PUM1: variants seen among roughly 807,000 people sequenced by gnomAD.
The protein encoded by PUM1 is pumilio RNA binding family member 1.
In PUM1, 13 loss-of-function variants were observed where a neutral mutation model predicts 131.8. That is an observed-to-expected ratio of 0.10 (90% CI 0.06 to 0.16). The LOEUF is 0.16. PUM1 is among the 10% of genes least tolerant of loss of function. PUM1 has a pLI of 1.00. For missense variants in PUM1, 961 were observed against 1,512.4 expected, an observed-to-expected ratio of 0.64 and a Z score of 6.05; for synonymous variants, 509 against 556.5, an observed-to-expected ratio of 0.91 and a Z score of 1.20.
chr1:31,041,686 C>T (rs1643820128), intron 2 of PUM1, among the ~76,000 whole-genome samples: 1 of 152,170 alleles, frequency 6.6e-6, no homozygotes, highest in Admixed American at 6.5e-5. Flanking sequence ...CCATGTGACA[C>T]ATGTGCTCCC....
intron 2 of PUM1, among the ~76,000 whole-genome samples, chr1:31,052,520 T>C (rs1245418263): frequency 6.6e-6 from 1 of 151,442 alleles, no homozygotes; most frequent in Non-Finnish European, 1.5e-5. Context: ...TATGCCACCA[T>C]GCCCAGCTAA....
rs567376818 is a variant in PUM1, at chr1:31,059,420, T to C, written c.147A>G (p.Gln49=). ...TSGTGSQAQP[Q]PAANQALAAG... ...CTGCAAGAGCCTGATTTGCAGCTGG[T>C]TGTGGCTGCGCTTGCGACCCTGTTC... Residue 49 remains glutamine, a synonymous_variant, in exon 2 of 22, where the codon CAA becomes CAG. Coordinates refer to ENST00000426105, the MANE Select transcript of PUM1 (RefSeq NM_001020658.2). The C allele has an allele frequency of 4.3e-6, 7 of 1,614,074 alleles. No individual in the cohort carries two copies. Among genetic ancestry groups the C allele is most frequent in the Middle Eastern group, 1.6e-4 (1 of 6,062 alleles).
At chr1:31,045,666 C>A (rs1029975315) in intron 2 of PUM1, among the ~76,000 whole-genome samples, 2 of 152,084 alleles carry the variant, frequency 1.3e-5, no homozygotes, top group African/African-American at 4.8e-5. Flanking sequence ...AACAGTTTTC[C>A]TGATGAGACT....
At chr1:30,959,318 G>A (rs543339531) in intron 14 of PUM1, among the ~76,000 whole-genome samples, 2 of 152,222 alleles carry the variant, frequency 1.3e-5, no homozygotes, top group East Asian at 1.9e-4. Flanking sequence ...CACACCTCAC[G>A]AGAAAGAAAA....
intron 10 of PUM1, among the ~76,000 whole-genome samples, chr1:30,971,114 C>T (rs527305234): frequency 1.8e-4 from 27 of 152,254 alleles, no homozygotes; most frequent in Admixed American, 3.3e-4. Flanking sequence ...ACAAAATATA[C>T]AGTTTCACAA....
Position 31,006,036 on chromosome 1 carries a change from A to G in PUM1, c.542-5T>C. ...TTGGCTGGGAAACTGAATGATCTAC[A>G]AAAAAGATACACAAGCATGATACAG... On this transcript the variant is annotated splice_region_variant and splice_polypyrimidine_tract_variant and intron_variant, in intron 4 of 21. Coordinates refer to ENST00000426105, the MANE Select transcript of PUM1 (RefSeq NM_001020658.2). 6.3e-7 allele frequency: 1 copy of G among 1,596,828 alleles called. No individual in the cohort carries two copies.
At chr1:31,052,803 G>A (rs1202967559) in intron 2 of PUM1, among the ~76,000 whole-genome samples, 3 of 149,270 alleles carry the variant, frequency 2.0e-5, no homozygotes, top group Non-Finnish European at 4.4e-5. Context: ...TCCCGGGTTA[G>A]AGCAATTCTC....
At chr1:30,990,653 C>T (rs1409912028) in intron 7 of PUM1, among the ~76,000 whole-genome samples, 2 of 151,544 alleles carry the variant, frequency 1.3e-5, no homozygotes, top group Non-Finnish European at 2.9e-5. Context: ...CCCAGGTATG[C>T]TATTAGGGCC....
intron 3 of PUM1, among the ~76,000 whole-genome samples, chr1:31,027,123 T>G (rs555278659): frequency 8.5e-5 from 13 of 152,316 alleles, no homozygotes; most frequent in African/African-American, 3.1e-4. Context: ...TAGGGCATTA[T>G]TCTTATCTTG....
chr1:30,948,973 C>T, intron 17 of PUM1: 1 of 402,518 alleles, frequency 2.5e-6, no homozygotes. Context: ...ACATTCCTTT[C>T]TCCCTTCACC....
intron 5 of PUM1, among the ~76,000 whole-genome samples, chr1:31,002,284 C>T (rs898816399): frequency 2.0e-5 from 3 of 152,082 alleles, no homozygotes; most frequent in South Asian, 2.1e-4. Context: ...ATGTATACTA[C>T]GAATGTGTAT....
intron 2 of PUM1, 91 bp downstream of exon 2, chr1:31,059,113 A>G: frequency 7.1e-7 from 1 of 1,407,048 alleles, no homozygotes; most frequent in Non-Finnish European, 9.6e-7. Context: ...CAGCAATTTA[A>G]GTTTTTAAAG....
At chr1:30,987,759 G>A (rs1302196072) in intron 7 of PUM1, among the ~76,000 whole-genome samples, 1 of 152,190 alleles carries the variant, frequency 6.6e-6, no homozygotes, top group African/African-American at 2.4e-5. Context: ...ATTTGTACTT[G>A]GGTGGGTAAT....
chr1:31,017,416 G>T (rs975018481), intron 3 of PUM1, among the ~76,000 whole-genome samples: 1 of 152,146 alleles, frequency 6.6e-6, no homozygotes, highest in East Asian at 1.9e-4. Flanking sequence ...ACAGAATTTA[G>T]AGCAAGCTTG....
intron 2 of PUM1, among the ~76,000 whole-genome samples, chr1:31,031,159 G>A (rs199691598): frequency 5.4e-5 from 3 of 55,204 alleles, no homozygotes; most frequent in Admixed American, 2.4e-4. Context: ...AACTCTACAC[G>A]TTATATGAAA....
intron 5 of PUM1, 70 bp from the exon 6 acceptor site, chr1:30,995,290 C>T: frequency 6.7e-7 from 1 of 1,494,320 alleles, no homozygotes; most frequent in Non-Finnish European, 9.3e-7. Flanking sequence ...GTTGTGGGCA[C>T]CAGACTACAC....
intron 13 of PUM1, 94 bp from the exon 14 acceptor site, chr1:30,965,004 T>G: frequency 1.0e-6 from 1 of 995,506 alleles, no homozygotes. Context: ...TCCAGACTCC[T>G]TACCACCGCA....
intron 2 of PUM1, among the ~76,000 whole-genome samples, chr1:31,029,998 T>C (rs1643363068): frequency 6.6e-6 from 1 of 151,086 alleles, no homozygotes; most frequent in South Asian, 2.1e-4. Flanking sequence ...GGAGGATCAC[T>C]TGAGATCAGG....
At chr1:31,001,893 T>C (rs12028776) in intron 5 of PUM1, among the ~76,000 whole-genome samples, 1 of 152,184 alleles carries the variant, frequency 6.6e-6, no homozygotes, top group Non-Finnish European at 1.5e-5. Flanking sequence ...AACTTTAATG[T>C]GCATACAAAT....
Sources: gnomAD v4.1 joint callset for allele counts (sites outside exome capture counted in the v4.1 genomes callset) on GRCh38, gnomAD v4.1.1 for gene constraint, MANE v1.5 for transcripts, NCBI Gene and HGNC (gene_info 2026-07-23, HGNC 2026-07-21) for gene names.